The following OPA3 variants were observed in gnomAD, a reference collection of about 807,000 sequenced individuals.
The protein encoded by OPA3 is optic atrophy 3 protein.
Under a neutral mutation model 4.0 loss-of-function variants are expected in OPA3, and 6 were observed. The ratio of observed to expected loss-of-function variants is 1.51; its 90% CI spans 0.83 to 2.99. The LOEUF (loss-of-function observed/expected upper bound fraction) is 2.99, where lower values mean the gene tolerates loss of function less well. Ranked by LOEUF, OPA3 falls within the 30% of genes most tolerant of loss-of-function variation. OPA3 has a pLI of 0.00. For synonymous variants in OPA3, 105 were observed against 117.1 expected, an observed-to-expected ratio of 0.90 and a Z score of 0.67; for missense variants, 235 against 256.2, an observed-to-expected ratio of 0.92 and a Z score of 0.56.
downstream of OPA3, chr19:45,546,255 G>A (rs1969247331): frequency 3.8e-6 from 1 of 259,902 alleles, no homozygotes; most frequent in African/African-American, 2.3e-5. Context: ...CAATAAAATA[G>A]GAAATATTAA....
chr19:45,553,238 C>G lies in OPA3; in HGVS notation c.*276G>C. ...TTCCATTTTTTCATTTGCCAGAGTGCCCACGGTGTCCTGCTGGCTGGGACC... is the reference window on the plus strand; with the variant it reads ...TTCCATTTTTTCATTTGCCAGAGTGGCCACGGTGTCCTGCTGGCTGGGACC... On this transcript the variant is annotated 3_prime_UTR_variant, in exon 2 of 2. Coordinates refer to ENST00000263275, the MANE Select transcript of OPA3 (RefSeq NM_025136.4). 1.4e-6 allele frequency: 2 copies of G among 1,404,802 alleles called. No homozygotes were observed. The highest frequency in any genetic ancestry group is 1.8e-6 in the Non-Finnish European group (2 of 1,081,158). The allele number at this position is 1,404,802 out of a possible 1,614,324, so 87.0% of individuals were successfully genotyped here.
intron 1 of OPA3, among the ~76,000 whole-genome samples, chr19:45,564,386 G>GCTTT (rs1157604743): frequency 6.6e-6 from 1 of 152,202 alleles, no homozygotes; most frequent in Non-Finnish European, 1.5e-5. Context: ...CACATGCAAA[G>GCTTT]TGACTGAGGG....
chr19:45,582,920 C>G (rs900890047), intron 1 of OPA3, among the ~76,000 whole-genome samples: 4 of 152,186 alleles, frequency 2.6e-5, no homozygotes, highest in Admixed American at 2.6e-4. Context: ...AGGGCTGTTA[C>G]CATGTTTGTT....
At position 45,553,062 on chromosome 19, in the gene OPA3, A is replaced by C; in HGVS notation, c.*452T>G. The C allele has an allele frequency of 9.5e-7, 1 of 1,057,784 alleles. No individual in the cohort carries two copies. Among genetic ancestry groups the C allele is most frequent in the East Asian group, 8.5e-5 (1 of 11,810 alleles). 65.5% of individuals were successfully genotyped at this position (1,057,784 alleles called of 1,614,324 possible). Reference sequence around the variant, plus strand: ...GAGGGGGAGAAAAGGCCACTGCAACACACTGCATTTCCTTACAGTGGTCTG... The same window carrying C: ...GAGGGGGAGAAAAGGCCACTGCAACCCACTGCATTTCCTTACAGTGGTCTG... On this transcript the variant is annotated 3_prime_UTR_variant, in exon 2 of 2. Transcript: ENST00000263275.
chr19:45,563,789 C>T (rs962888089), intron 1 of OPA3, among the ~76,000 whole-genome samples: 1 of 150,146 alleles, frequency 6.7e-6, no homozygotes, highest in Non-Finnish European at 1.5e-5. Context: ...CTTCTGACCT[C>T]ATGATCCACC....
intron 1 of OPA3, among the ~76,000 whole-genome samples, chr19:45,562,836 G>A (rs1969525424): frequency 6.6e-6 from 1 of 152,208 alleles, no homozygotes; most frequent in East Asian, 1.9e-4. Flanking sequence ...CATTTCCTGG[G>A]TCGCCTCATT....
intron 1 of OPA3, among the ~76,000 whole-genome samples, chr19:45,533,536 A>G (rs1969083022): frequency 6.6e-6 from 1 of 152,190 alleles, no homozygotes; most frequent in Non-Finnish European, 1.5e-5. Flanking sequence ...ACCTTGTGCT[A>G]CAGATGTACG....
intron 1 of OPA3, among the ~76,000 whole-genome samples, chr19:45,556,222 C>A (rs938488534): frequency 2.4e-4 from 36 of 152,164 alleles, no homozygotes; most frequent in Admixed American, 1.3e-4. Context: ...CAGCTCACTG[C>A]AACCTCTGCC....
chr19:45,581,688 C>A (rs563231460), intron 1 of OPA3, among the ~76,000 whole-genome samples: 2 of 152,324 alleles, frequency 1.3e-5, no homozygotes, highest in East Asian at 3.9e-4. Context: ...TGGTGTGTAA[C>A]CGCCCAAGGA....
At chr19:45,545,164 C>CAAAAAAAA (rs779193252), downstream of OPA3, among the ~76,000 whole-genome samples, 2 of 40,818 alleles carry the variant, frequency 4.9e-5, no homozygotes, top group African/African-American at 7.1e-5. Context: ...GACACCGTCT[C>CAAAAAAAA]AAAAAAAAAA....
At chr19:45,529,283 A>C (rs766762022) in exon 2 of OPA3, 9 of 1,614,044 alleles carry the variant, frequency 5.6e-6, no homozygotes, top group African/African-American at 1.3e-5. Flanking sequence ...CGCTGCTGCA[A>C]CTGGTGGCGC....
chr19:45,529,428 T>A, exon 2 of OPA3: 1 of 1,614,190 alleles, frequency 6.2e-7, no homozygotes, highest in African/African-American at 1.3e-5. Context: ...TGATGCGCAT[T>A]TTGGTCCGCA....
chr19:45,535,917 G>C (rs1341252436), intron 1 of OPA3, among the ~76,000 whole-genome samples: 1 of 151,728 alleles, frequency 6.6e-6, no homozygotes, highest in Non-Finnish European at 1.5e-5. Context: ...GGTGCCTGCT[G>C]CCACACCCTG....
intron 1 of OPA3, among the ~76,000 whole-genome samples, chr19:45,566,313 C>G (rs1969581200): frequency 6.6e-6 from 1 of 151,788 alleles, no homozygotes; most frequent in Admixed American, 6.6e-5. Context: ...CTGTGCCCTG[C>G]TAATTTTTGT....
chr19:45,541,049 G>A (rs1969180568), intron 1 of OPA3, among the ~76,000 whole-genome samples: 1 of 152,150 alleles, frequency 6.6e-6, no homozygotes, highest in South Asian at 2.1e-4. Context: ...GTCTGAGTCA[G>A]GAACAGCCTG....
At chr19:45,567,251 G>A (rs1279424137) in intron 1 of OPA3, among the ~76,000 whole-genome samples, 1 of 150,932 alleles carries the variant, frequency 6.6e-6, no homozygotes, top group Non-Finnish European at 1.5e-5. Context: ...GAGGCAGGAG[G>A]ATCGCTTGAT....
intron 1 of OPA3, among the ~76,000 whole-genome samples, chr19:45,562,776 G>A (rs1456027522): frequency 6.6e-6 from 1 of 152,180 alleles, no homozygotes; most frequent in Admixed American, 6.5e-5. Flanking sequence ...GGACACCAGT[G>A]GAAACACTGC....
At chr19:45,533,692 C>CATGGTGAG (rs1969085331) in intron 1 of OPA3, among the ~76,000 whole-genome samples, 1 of 152,186 alleles carries the variant, frequency 6.6e-6, no homozygotes, top group Admixed American at 6.5e-5. Flanking sequence ...GAATGCAAAG[C>CATGGTGAG]ATGGTGAGGT....
chr19:45,553,702 C>A lies in OPA3; in HGVS notation c.352G>T (p.Ala118Ser), dbSNP rs772116334. ...ACCTCGTCCCGCAGCGCGTTCCAGG[C>A]AGCACGCTGCTCCTCCTCCTTGTGG... is the stretch of plus-strand genomic sequence containing the variant. ...QRHKEEEQRA[A>S]WNALRDEVGH... Residue 118 changes from alanine to serine, a missense_variant, in exon 2 of 2, where the codon GCC becomes TCC. Coordinates refer to ENST00000263275, the MANE Select transcript of OPA3 (RefSeq NM_025136.4). 9 of 1,607,802 alleles carry A rather than the reference C, an allele frequency of 5.6e-6. No homozygotes were observed. Among genetic ancestry groups the A allele is most frequent in the East Asian group, 2.2e-5 (1 of 44,856 alleles).
Sources: allele counts gnomAD v4.1 joint callset (sites outside exome capture counted in the v4.1 genomes callset), GRCh38; gene constraint gnomAD v4.1.1; transcripts MANE v1.5; gene names NCBI Gene and HGNC (gene_info 2026-07-23, HGNC 2026-07-21).